LRBA: variants seen among roughly 807,000 people sequenced by gnomAD.
The protein encoded by LRBA is LPS responsive beige-like anchor protein, also known as lipopolysaccharide-responsive and beige-like anchor protein.
Under a neutral mutation model 330.0 loss-of-function variants are expected in LRBA, and 176 were observed. The ratio of observed to expected loss-of-function variants is 0.53; its 90% CI spans 0.47 to 0.60. The LOEUF (loss-of-function observed/expected upper bound fraction) is 0.60, where lower values mean the gene tolerates loss of function less well. LRBA is among the 20% of genes least tolerant of loss of function. LRBA has a pLI of 0.00. For missense variants in LRBA, 3,259 were observed against 3,444.8 expected, an observed-to-expected ratio of 0.95 and a Z score of 1.35; for synonymous variants, 1,230 against 1,193.0, an observed-to-expected ratio of 1.03 and a Z score of -0.64.
chr4:150,338,439 C>T (rs909115820), intron 48 of LRBA, among the ~76,000 whole-genome samples: 6 of 152,150 alleles, frequency 3.9e-5, no homozygotes, highest in Admixed American at 1.3e-4. Flanking sequence ...GATGAAAAAG[C>T]ACAGATAATA....
At chr4:150,785,679 T>C (rs1738948218) in intron 34 of LRBA, among the ~76,000 whole-genome samples, 1 of 152,096 alleles carries the variant, frequency 6.6e-6, no homozygotes, top group African/African-American at 2.4e-5. Flanking sequence ...ATCATCATAA[T>C]GAACAACTGT....
chr4:150,927,930 T>C (rs753773351), intron 4 of LRBA, among the ~76,000 whole-genome samples: 2 of 152,146 alleles, frequency 1.3e-5, no homozygotes, highest in Non-Finnish European at 2.9e-5. Context: ...CAATGATCTC[T>C]AAAGGGCACT....
chr4:150,286,555 T>C (rs1748147336), intron 53 of LRBA, among the ~76,000 whole-genome samples: 1 of 152,046 alleles, frequency 6.6e-6, no homozygotes, highest in African/African-American at 2.4e-5. Flanking sequence ...ATTTTTCTGA[T>C]ATATAAATTT....
chr4:150,510,214 A>C (rs540329135), intron 40 of LRBA, among the ~76,000 whole-genome samples: 1 of 152,298 alleles, frequency 6.6e-6, no homozygotes, highest in South Asian at 2.1e-4. Flanking sequence ...TACAATATCT[A>C]ATAAAGAAGT....
chr4:150,313,189 T>C (rs1301314458), intron 51 of LRBA, among the ~76,000 whole-genome samples: 1 of 152,056 alleles, frequency 6.6e-6, no homozygotes, highest in Non-Finnish European at 1.5e-5. Flanking sequence ...AGAATGAAAA[T>C]ATAAATTCAA....
At chr4:150,776,114 C>T (rs1198856691) in intron 34 of LRBA, among the ~76,000 whole-genome samples, 1 of 152,034 alleles carries the variant, frequency 6.6e-6, no homozygotes, top group East Asian at 1.9e-4. Context: ...ACTCAATGGT[C>T]GTCTTTCACA....
intron 48 of LRBA, among the ~76,000 whole-genome samples, chr4:150,341,190 C>G (rs1026660944): frequency 2.0e-5 from 3 of 152,092 alleles, no homozygotes; most frequent in Non-Finnish European, 2.9e-5. Context: ...GAGACAGAGT[C>G]TTGCTTTGTC....
chr4:150,409,082 T>C (rs1239886780), intron 47 of LRBA, among the ~76,000 whole-genome samples: 3 of 152,082 alleles, frequency 2.0e-5, no homozygotes, highest in African/African-American at 7.2e-5. Flanking sequence ...GGATAGGCCA[T>C]ACTGGAGTAG....
At chr4:150,399,297 TCTC>T (rs2151924065) in intron 47 of LRBA, among the ~76,000 whole-genome samples, 1 of 152,180 alleles carries the variant, frequency 6.6e-6, no homozygotes, top group East Asian at 1.9e-4. Flanking sequence ...AATGCTAAAT[TCTC>T]CTTTCCTGTG....
intron 2 of LRBA, among the ~76,000 whole-genome samples, chr4:150,979,569 A>C (rs1257590252): frequency 6.6e-6 from 1 of 152,226 alleles, no homozygotes; most frequent in African/African-American, 2.4e-5. Context: ...ACACTACAAT[A>C]AAATATAAAC....
chr4:150,942,871 A>AT (rs558137926), intron 2 of LRBA, among the ~76,000 whole-genome samples: 19 of 151,748 alleles, frequency 1.3e-4, no homozygotes, highest in South Asian at 6.3e-4. Flanking sequence ...TTTAAGTTAG[A>AT]TTTTTTTTTC....
At position 150,828,406 on chromosome 4, in the gene LRBA, T is replaced by G. The variant is rs1345130786; in HGVS notation, c.4945A>C (p.Asn1649His). ...EVLSTLSLEV[N>H]KSPETKNDRG... ...TCATTTTTGGTTTCCGGAGACTTAT[T>G]GACTTCTAAAGAAAGAGTAGATAGC... Residue 1649 changes from asparagine to histidine, a missense_variant, in exon 30 of 57, where the codon AAT (asparagine) becomes CAT (histidine). Asn to His is a moderately conservative substitution (Grantham distance 68). Coordinates refer to ENST00000651943, the MANE Select transcript of LRBA (RefSeq NM_001364905.1). 6.2e-7 allele frequency: 1 copy of G among 1,614,010 alleles called. No individual in the cohort carries two copies. The highest frequency in any genetic ancestry group is 8.5e-7 in the Non-Finnish European group (1 of 1,180,002).
chr4:150,482,929 C>T (rs1757456550), intron 42 of LRBA, among the ~76,000 whole-genome samples: 1 of 151,918 alleles, frequency 6.6e-6, no homozygotes. Context: ...TGCTTTATCA[C>T]ACATAAGTTG....
At chr4:150,345,797 A>C (rs901841958) in intron 48 of LRBA, among the ~76,000 whole-genome samples, 4 of 152,150 alleles carry the variant, frequency 2.6e-5, no homozygotes, top group East Asian at 3.8e-4. Flanking sequence ...CTATAATAAA[A>C]GACTATTCCC....
intron 47 of LRBA, among the ~76,000 whole-genome samples, chr4:150,391,602 T>C (rs1743944370): frequency 6.6e-6 from 1 of 152,152 alleles, no homozygotes; most frequent in African/African-American, 2.4e-5. Flanking sequence ...CTATGTCATA[T>C]ACGTGACAGG....
intron 2 of LRBA, among the ~76,000 whole-genome samples, chr4:151,000,859 G>T (rs1743247090): frequency 6.6e-6 from 1 of 152,210 alleles, no homozygotes. Flanking sequence ...CCTAAAGAAA[G>T]GAAGGAGAGG....
chr4:150,585,192 TTAAA>T (rs753590867), intron 40 of LRBA, among the ~76,000 whole-genome samples: 1 of 152,100 alleles, frequency 6.6e-6, no homozygotes, highest in Admixed American at 6.5e-5. Flanking sequence ...AATTTAACAA[TTAAA>T]TAAACCACAA....
intron 46 of LRBA, chr4:150,423,084 G>A: frequency 4.9e-6 from 4 of 810,188 alleles, no homozygotes; most frequent in Non-Finnish European, 8.9e-6. Context: ...TGACCTCTGG[G>A]GAAGAGCTCC....
chr4:150,269,081 T>TAACA (rs1038679029), intron 56 of LRBA, among the ~76,000 whole-genome samples: 13 of 152,098 alleles, frequency 8.5e-5, no homozygotes, highest in African/African-American at 3.1e-4. Context: ...TTTTATACAC[T>TAACA]AACAAACAAT....
Sources: gnomAD v4.1 joint callset for allele counts (sites outside exome capture counted in the v4.1 genomes callset) on GRCh38, gnomAD v4.1.1 for gene constraint, MANE v1.5 for transcripts, NCBI Gene and HGNC (gene_info 2026-07-23, HGNC 2026-07-21) for gene names.